The following TOX3 variants were observed in gnomAD, a reference collection of about 807,000 sequenced individuals.
TOX3 encodes CAG trinucleotide repeat-containing gene F9 protein.
In TOX3, 22 loss-of-function variants were observed where a neutral mutation model predicts 64.3. That is an observed-to-expected ratio of 0.34 (90% CI 0.24 to 0.49). TOX3 has a LOEUF of 0.49. Among genes scored for constraint, TOX3 ranks in the 20% least tolerant of loss-of-function variants. The pLI, the probability that TOX3 is intolerant of heterozygous loss-of-function variation, is 0.99. For synonymous variants in TOX3, 291 were observed against 273.6 expected, an observed-to-expected ratio of 1.06 and a Z score of -0.63; for missense variants, 661 against 714.4, an observed-to-expected ratio of 0.93 and a Z score of 0.85.
At chr16:52,473,558 C>T (rs1047680559) in intron 1 of TOX3, among the ~76,000 whole-genome samples, 3 of 152,100 alleles carry the variant, frequency 2.0e-5, no homozygotes, top group African/African-American at 4.8e-5. Context: ...TCCACACGCA[C>T]GTGAAGGCTC....
rs981417741 is a variant in TOX3, at chr16:52,436,879, A to G, written c.*2346T>C. ...TACTTCATGGGTTTTCAAAATGACA[A>G]TTACAGAACTAATACACAATTACTG... is the stretch of plus-strand genomic sequence containing the variant. On this transcript the variant is annotated 3_prime_UTR_variant, in exon 7 of 7. Coordinates refer to ENST00000219746, the MANE Select transcript of TOX3 (RefSeq NM_001080430.4). The G allele has an allele frequency of 5.3e-5, 8 of 152,256 alleles. No homozygotes were observed. The highest frequency in any genetic ancestry group is 1.7e-4 in the African/African-American group (7 of 41,474). 9.4% of individuals were successfully genotyped at this position (152,256 alleles called of 1,614,324 possible).
intron 1 of TOX3, among the ~76,000 whole-genome samples, chr16:52,505,797 G>A (rs1224089438): frequency 1.3e-5 from 2 of 151,964 alleles, no homozygotes; most frequent in Non-Finnish European, 2.9e-5. Context: ...GGCAACATAG[G>A]GAGACCCCGT....
At chr16:52,522,874 T>C (rs1335216597) in intron 1 of TOX3, among the ~76,000 whole-genome samples, 1 of 152,222 alleles carries the variant, frequency 6.6e-6, no homozygotes, top group African/African-American at 2.4e-5. Context: ...CACACTTTCC[T>C]TCACGTTTAT....
chr16:52,491,654 G>A (rs1360560369), intron 1 of TOX3, among the ~76,000 whole-genome samples: 1 of 152,078 alleles, frequency 6.6e-6, no homozygotes, highest in African/African-American at 2.4e-5. Flanking sequence ...ATGTCACAAA[G>A]GAATTACATC....
At chr16:52,456,800 CA>C (rs1485413468) in intron 3 of TOX3, among the ~76,000 whole-genome samples, 1 of 152,074 alleles carries the variant, frequency 6.6e-6, no homozygotes, top group Non-Finnish European at 1.5e-5. Flanking sequence ...GAAAAGAAAA[CA>C]ATACTGTTAT....
At chr16:52,547,208 C>T (rs1251986940), upstream of TOX3, among the ~76,000 whole-genome samples, 6 of 143,574 alleles carry the variant, frequency 4.2e-5, no homozygotes, top group African/African-American at 1.2e-4. Flanking sequence ...CTCCCCGCGC[C>T]GCCGCCGCTC....
chr16:52,544,446 GCAAGGAAGTCAATA>G (rs1963133462), intron 1 of TOX3, among the ~76,000 whole-genome samples: 1 of 152,140 alleles, frequency 6.6e-6, no homozygotes, highest in African/African-American at 2.4e-5. Flanking sequence ...ATTTTTACTT[GCAAGGAAGTCAATA>G]CAAAGATCCC....
intron 1 of TOX3, among the ~76,000 whole-genome samples, chr16:52,522,326 G>A (rs1221998976): frequency 6.6e-6 from 1 of 152,200 alleles, no homozygotes; most frequent in African/African-American, 2.4e-5. Flanking sequence ...ACTTTAGACA[G>A]TTTCCAAATA....
chr16:52,519,607 G>A, intron 1 of TOX3: 16 of 1,411,022 alleles, frequency 1.1e-5, no homozygotes, highest in Non-Finnish European at 1.5e-5. Context: ...AAAACAACAT[G>A]GTTGGGCAAT....
chr16:52,444,445 A>C, intron 5 of TOX3, 89 bp from the exon 6 acceptor site: 2 of 1,144,192 alleles, frequency 1.7e-6, no homozygotes, highest in Non-Finnish European at 2.5e-6. Flanking sequence ...ACATAAACAC[A>C]ACTCACATAA....
chr16:52,484,077 G>C (rs1961442977), intron 1 of TOX3, among the ~76,000 whole-genome samples: 1 of 152,124 alleles, frequency 6.6e-6, no homozygotes, highest in Non-Finnish European at 1.5e-5. Context: ...ACTGGCAGTA[G>C]TTACTGAAGC....
intron 1 of TOX3, among the ~76,000 whole-genome samples, chr16:52,510,620 G>T (rs775557619): frequency 3.3e-5 from 5 of 151,948 alleles, no homozygotes; most frequent in Non-Finnish European, 1.5e-5. Context: ...GCTGGGCATG[G>T]TGGTACATGC....
At chr16:52,492,206 ATATATATATTTATATTATATAT>A (rs1015307965) in intron 1 of TOX3, among the ~76,000 whole-genome samples, 11 of 147,528 alleles carry the variant, frequency 7.5e-5, no homozygotes, top group South Asian at 2.1e-4. Context: ...TTTCAAACTA[ATATATATATTTATATTATATAT>A]TATATATATT....
intron 1 of TOX3, among the ~76,000 whole-genome samples, chr16:52,513,895 T>G (rs1962377396): frequency 1.3e-5 from 2 of 152,208 alleles, no homozygotes; most frequent in Admixed American, 1.3e-4. Flanking sequence ...ATTAAACCAT[T>G]TATATAAAAG....
At chr16:52,539,543 T>C (rs1473160145) in intron 1 of TOX3, among the ~76,000 whole-genome samples, 4 of 152,244 alleles carry the variant, frequency 2.6e-5, no homozygotes, top group African/African-American at 7.2e-5. Context: ...GGAAGTTGAA[T>C]TGGCAACACC....
chr16:52,512,021 T>C (rs1212007723), intron 1 of TOX3, among the ~76,000 whole-genome samples: 2 of 152,148 alleles, frequency 1.3e-5, no homozygotes, highest in African/African-American at 4.8e-5. Context: ...TTCCTCAACT[T>C]TAAGAATGAT....
chr16:52,458,330 C>T (rs981595754), intron 3 of TOX3, among the ~76,000 whole-genome samples: 2 of 152,078 alleles, frequency 1.3e-5, no homozygotes, highest in African/African-American at 4.8e-5. Context: ...AGATGGGAAG[C>T]AAGCAAAGGA....
At chr16:52,465,470 G>GTTTTTT (rs34739813) in intron 2 of TOX3, among the ~76,000 whole-genome samples, 1 of 104,004 alleles carries the variant, frequency 9.6e-6, no homozygotes, top group Non-Finnish European at 1.9e-5. Context: ...TTTCTTTTTG[G>GTTTTTT]TTTTTTTTTT....
At position 52,546,954 on chromosome 16, in the gene TOX3, G is replaced by C; in HGVS notation, c.-231C>G. The stretch of plus-strand genomic sequence containing the variant: ...GAGCGGGAGGCGGCCGGGGGGACGC[G>C]CCCCGCCGGGGCACCGAGGCAGCGC... On this transcript the variant is annotated 5_prime_UTR_variant, in exon 1 of 7. Transcript: ENST00000219746. The C allele has an allele frequency of 5.1e-6, 5 of 983,454 alleles. No individual in the cohort carries two copies. Among genetic ancestry groups the C allele is most frequent in the Non-Finnish European group, 6.0e-6 (5 of 830,354 alleles). The allele number at this position is 983,454 out of a possible 1,614,324, so 60.9% of individuals were successfully genotyped here.
Sources: gnomAD v4.1 joint callset for allele counts (sites outside exome capture counted in the v4.1 genomes callset) on GRCh38, gnomAD v4.1.1 for gene constraint, MANE v1.5 for transcripts, NCBI Gene and HGNC (gene_info 2026-07-23, HGNC 2026-07-21) for gene names.